Variants in TMEM232 observed in about 807,000 individuals in gnomAD.
The protein encoded by TMEM232 is transmembrane protein 232.
TMEM232 carries 80 observed loss-of-function variants against 78.8 expected under a neutral mutation model. The ratio of observed to expected loss-of-function variants is 1.01; its 90% CI spans 0.85 to 1.22. The LOEUF is 1.22. TMEM232 is among the 50% of genes most tolerant of loss of function. The pLI is 0.00. For missense variants in TMEM232, 881 were observed against 742.2 expected (o/e 1.19, Z -2.17); for synonymous variants, 297 against 254.3 (o/e 1.17, Z -1.60).
At chr5:110,695,405 G>C (rs1000725772) in intron 1 of TMEM232, among the ~76,000 whole-genome samples, 7 of 152,250 alleles carry the variant, frequency 4.6e-5, no homozygotes, top group African/African-American at 1.7e-4. Flanking sequence ...AGAGGAGCAA[G>C]AGCAAACACA....
chr5:110,667,257 A>G lies in TMEM232; in HGVS notation c.96T>C (p.His32=), dbSNP rs1040267359. The change falls in exon 2 of 14, where the codon CAT becomes CAC. Residue 32 remains histidine, a synonymous_variant. Coordinates refer to ENST00000455884, the MANE Select transcript of TMEM232 (RefSeq NM_001039763.4). ...ATTTATGACCCCTTTCTCCACTTAA[A>G]TGTTGAAAATTTAATTTCCAGAGCT... The part of the protein sequence containing the change: ...HEELWKLNFQ[H]LSGERGHKSR... 56 of 1,546,548 alleles carry G rather than the reference A, an allele frequency of 3.6e-5. No homozygotes were observed. The highest frequency in any genetic ancestry group is 1.7e-4 in the Middle Eastern group (1 of 5,868).
At chr5:110,489,457 A>C (rs1764803563) in intron 12 of TMEM232, among the ~76,000 whole-genome samples, 1 of 152,090 alleles carries the variant, frequency 6.6e-6, no homozygotes, top group Admixed American at 6.6e-5. Flanking sequence ...AAATCAACAC[A>C]CTTTATAATA....
intron 10 of TMEM232, among the ~76,000 whole-genome samples, chr5:110,579,329 C>A (rs905106217): frequency 2.7e-5 from 4 of 150,036 alleles, no homozygotes; most frequent in Non-Finnish European, 4.4e-5. Flanking sequence ...ACTAGAATTG[C>A]CTTACAACAA....
In TMEM232 at chr5:110,407,796, A is replaced by G. The variant is rs184683907; in HGVS notation, n.309-9942T>C. Among the ~76,000 whole-genome samples, 844 of 152,240 alleles carry G rather than the reference A, an allele frequency of 5.5e-3. 7 individuals carry two copies. Among genetic ancestry groups the G allele is most frequent in the African/African-American group, 0.018 (768 of 41,532 alleles). Reference sequence around the variant, plus strand: ...TAAGCCACAAAACAAGCCTGTACAAATTTTTTTAAAAATATATATCAAGTA... The same window carrying G: ...TAAGCCACAAAACAAGCCTGTACAAGTTTTTTTAAAAATATATATCAAGTA... On this transcript the variant is annotated intron_variant and non_coding_transcript_variant, in intron 2 of 8. Transcript: ENST00000507188.
intron 12 of TMEM232, among the ~76,000 whole-genome samples, chr5:110,482,537 C>A (rs933644521): frequency 6.7e-6 from 1 of 149,612 alleles, no homozygotes; most frequent in African/African-American, 2.5e-5. Context: ...GCCGAGATTG[C>A]GGCACTGCAC....
At chr5:110,676,505 A>C (rs1366501226) in intron 1 of TMEM232, among the ~76,000 whole-genome samples, 1 of 151,380 alleles carries the variant, frequency 6.6e-6, no homozygotes, top group Non-Finnish European at 1.5e-5. Context: ...TCCTGGGCTT[A>C]AGCGATCCTC....
intron 2 of TMEM232, among the ~76,000 whole-genome samples, chr5:110,651,846 T>C (rs975081764): frequency 6.6e-6 from 1 of 152,072 alleles, no homozygotes; most frequent in Admixed American, 6.6e-5. Flanking sequence ...GAAACTCACC[T>C]CAAGTCTACC....
rs369149782 is a variant in TMEM232 at position 110,521,640 on chromosome 5, G to A, written c.1703+6948C>T. On this transcript the variant is annotated intron_variant, in intron 12 of 13. Coordinates refer to ENST00000455884, the MANE Select transcript of TMEM232 (RefSeq NM_001039763.4). ...TTTGGATCTGCTTTTTGTGCTTGGT[G>A]TAAGAGTTCAATTTCATTCTTACAC... Among the ~76,000 whole-genome samples the A allele has an allele frequency of 9.9e-5, 15 of 152,248 alleles. No homozygotes were observed. In the South Asian group the frequency reaches 2.1e-3, roughly 21 times the overall value.
intron 1 of TMEM232, among the ~76,000 whole-genome samples, chr5:110,719,696 C>T (rs1337065448): frequency 6.6e-6 from 1 of 152,012 alleles, no homozygotes; most frequent in Non-Finnish European, 1.5e-5. Flanking sequence ...TTGTTCCACT[C>T]TGTGAAGCTT....
chr5:110,406,910 C>T (rs988745749), intron 2 of TMEM232, among the ~76,000 whole-genome samples: 1 of 152,034 alleles, frequency 6.6e-6, no homozygotes, highest in African/African-American at 2.4e-5. Context: ...AGATAAGTTG[C>T]CATCTCTTTA....
At chr5:110,472,004 G>A (rs1458305109) in intron 12 of TMEM232, among the ~76,000 whole-genome samples, 2 of 151,892 alleles carry the variant, frequency 1.3e-5, no homozygotes, top group East Asian at 3.9e-4. Flanking sequence ...AAAGAGATAA[G>A]TTCCTAGACA....
At chr5:110,538,692 T>C (rs1772714156) in intron 11 of TMEM232, among the ~76,000 whole-genome samples, 1 of 152,116 alleles carries the variant, frequency 6.6e-6, no homozygotes, top group South Asian at 2.1e-4. Flanking sequence ...AAAGCAGGAA[T>C]TAGATGAAGA....
At chr5:110,467,884 T>C (rs1033724504) in intron 12 of TMEM232, among the ~76,000 whole-genome samples, 68 of 152,260 alleles carry the variant, frequency 4.5e-4, no homozygotes, top group African/African-American at 1.6e-3. Context: ...CAGGGTTCTT[T>C]TGTTGTTTGT....
chr5:110,426,178 A>T (rs976998361), intron 12 of TMEM232, among the ~76,000 whole-genome samples: 2 of 151,726 alleles, frequency 1.3e-5, no homozygotes, highest in Admixed American at 1.3e-4. Context: ...CTCACCCTTC[A>T]GCTCTCAGTT....
intron 1 of TMEM232, among the ~76,000 whole-genome samples, chr5:110,695,992 C>A (rs1357507570): frequency 3.3e-5 from 5 of 151,836 alleles, no homozygotes; most frequent in African/African-American, 1.2e-4. Context: ...CTAGCAGAGA[C>A]AAAACAAAAA....
chr5:110,711,435 A>G (rs1339965051), intron 1 of TMEM232, among the ~76,000 whole-genome samples: 5 of 152,202 alleles, frequency 3.3e-5, no homozygotes, highest in African/African-American at 4.8e-5. Flanking sequence ...TGAAACCACA[A>G]AAGACCCAGA....
rs1794084582 is a variant in TMEM232, at chr5:110,691,221, C to T, written c.-12-23857G>A. Among the ~76,000 whole-genome samples, 10 of 150,704 alleles carry T rather than the reference C, an allele frequency of 6.6e-5. No individual in the cohort carries two copies. In the South Asian group the frequency reaches 2.1e-3, roughly 31 times the overall value. ...TTTAAAAGCATCATTAAAGTTTAAA[C>T]AGGAAATATTTCCATTCCTATCAAT... On this transcript the variant is annotated intron_variant, in intron 1 of 13. Coordinates refer to ENST00000455884, the MANE Select transcript of TMEM232 (RefSeq NM_001039763.4).
At chr5:110,633,785 G>A (rs1403091093) in intron 5 of TMEM232, among the ~76,000 whole-genome samples, 1 of 152,050 alleles carries the variant, frequency 6.6e-6, no homozygotes, top group Non-Finnish European at 1.5e-5. Flanking sequence ...ATAGCAGTGT[G>A]AAAATGGACT....
At chr5:110,721,665 G>GTATATA (rs1199755010) in intron 1 of TMEM232, among the ~76,000 whole-genome samples, 1 of 2,512 alleles carries the variant, frequency 4.0e-4, no homozygotes, top group African/African-American at 7.0e-4. Flanking sequence ...ATGTGTGTGT[G>GTATATA]TGTGTGTGTA....
Sources: allele counts gnomAD v4.1 joint callset (sites outside exome capture counted in the v4.1 genomes callset), GRCh38; gene constraint gnomAD v4.1.1; transcripts MANE v1.5; gene names NCBI Gene and HGNC (gene_info 2026-07-23, HGNC 2026-07-21).